Variants in NOL4L observed in about 807,000 individuals in gnomAD.
NOL4L encodes the protein nucleolar protein 4 like, also known as nucleolar protein 4-like.
In NOL4L, 7 loss-of-function variants were observed where a neutral mutation model predicts 64.5. The observed-to-expected ratio is 0.11, with a 90% CI of 0.06 to 0.20. The LOEUF is 0.20. NOL4L is among the 10% of genes least tolerant of loss of function. The pLI is 1.00. For missense variants in NOL4L, 680 were observed against 967.1 expected (o/e 0.70, Z 3.94); for synonymous variants, 413 against 401.0 (o/e 1.03, Z -0.36).
At chr20:32,528,044 G>GTTGGT in intron 1 of NOL4L, 131 bp from the exon 2 acceptor site, 1 of 275,994 alleles carries the variant, frequency 3.6e-6, no homozygotes, top group Non-Finnish European at 6.9e-6. Flanking sequence ...GGAGGGGAGG[G>GTTGGT]AGCCTACCGA....
intron 2 of NOL4L, among the ~76,000 whole-genome samples, chr20:32,522,802 C>T (rs942433314): frequency 3.3e-5 from 5 of 152,210 alleles, no homozygotes; most frequent in Admixed American, 6.5e-5. Flanking sequence ...TCCCCTGAGA[C>T]GTGGCACCCT....
At chr20:32,542,052 G>T (rs936100558) in intron 1 of NOL4L, among the ~76,000 whole-genome samples, 1 of 152,228 alleles carries the variant, frequency 6.6e-6, no homozygotes, top group East Asian at 1.9e-4. Context: ...GTGGTGGGGG[G>T]CGCTAAGCCC....
chr20:32,527,736 G>A, intron 2 of NOL4L, 22 bp downstream of exon 2: 4 of 1,538,284 alleles, frequency 2.6e-6, no homozygotes, highest in Non-Finnish European at 3.5e-6. Flanking sequence ...TGCCAGTGGA[G>A]GCAAAGAGAC....
chr20:32,518,081 C>A (rs1358894993), intron 3 of NOL4L, among the ~76,000 whole-genome samples: 1 of 152,182 alleles, frequency 6.6e-6, no homozygotes, highest in African/African-American at 2.4e-5. Context: ...GCACACCAGA[C>A]CTGCCTGACT....
chr20:32,518,554 G>A (rs1030431099), intron 3 of NOL4L, among the ~76,000 whole-genome samples: 4 of 152,258 alleles, frequency 2.6e-5, no homozygotes, highest in Non-Finnish European at 5.9e-5. Flanking sequence ...ATGTGTGGCA[G>A]GAGAGGGGAG....
Position 32,584,617 on chromosome 20 carries a change from C to A in NOL4L, c.274G>T (p.Glu92Ter), listed in dbSNP as rs2145631568. 6.5e-7 allele frequency: 1 copy of A among 1,535,838 alleles called. No homozygotes were observed. The highest frequency in any genetic ancestry group is 1.2e-5 in the South Asian group (1 of 82,302). The part of the protein sequence containing the change: ...SKGFRLGSGR[E>*]PKMGQVVYVP... ...TACACCACTTGGCCCATCTTGGGTT[C>A]CCGGCCGCTGCCCAGGCGGAAGCCC... Residue 92 changes from glutamate to a stop codon, truncating the protein, a stop_gained, in exon 1 of 11, where the codon GAA becomes TAA. Coordinates refer to ENST00000621426, the MANE Select transcript of NOL4L (RefSeq NM_001256798.2). LOFTEE classifies it high-confidence loss of function.
chr20:32,498,750 T>C (rs1600763351), intron 4 of NOL4L, among the ~76,000 whole-genome samples: 1 of 111,456 alleles, frequency 9.0e-6, no homozygotes, highest in South Asian at 2.8e-4. Context: ...GCAACGGGAG[T>C]GAGACCCTGT....
intron 1 of NOL4L, among the ~76,000 whole-genome samples, chr20:32,562,058 C>T (rs1297040775): frequency 2.0e-5 from 3 of 152,106 alleles, no homozygotes; most frequent in Admixed American, 6.5e-5. Flanking sequence ...ACCACAGGCG[C>T]GCTTACTCCG....
intron 1 of NOL4L, among the ~76,000 whole-genome samples, chr20:32,537,413 A>G (rs1351491597): frequency 1.3e-5 from 2 of 152,166 alleles, no homozygotes; most frequent in African/African-American, 4.8e-5. Context: ...GTCGCGGTGC[A>G]CCTACTGTGT....
intron 4 of NOL4L, among the ~76,000 whole-genome samples, chr20:32,488,196 C>CAGT (rs1312364099): frequency 6.6e-6 from 1 of 152,172 alleles, no homozygotes; most frequent in African/African-American, 2.4e-5. Context: ...TTCCAAAGAC[C>CAGT]CACTATGTTT....
Position 32,464,180 on chromosome 20 carries a change from G to A in NOL4L, c.842-7785C>T, listed in dbSNP as rs1206422591. Among the ~76,000 whole-genome samples the A allele has an allele frequency of 4.6e-5, 7 of 152,304 alleles. No homozygotes were observed. Among genetic ancestry groups the A allele is most frequent in the Middle Eastern group, 3.4e-3 (1 of 294 alleles). On this transcript the variant is annotated intron_variant, in intron 5 of 10. Transcript: ENST00000621426. The surrounding 1 kb of genome is among the most constrained non-coding windows in gnomAD (Gnocchi z 5.6). ...GCTGACCCTGCTCTGAATTTGAGGC[G>A]TGCACCTCCCCAGGACTGGCCCCCT...
At position 32,527,860 on chromosome 20, in the gene NOL4L, C is replaced by T. The variant is rs1284039411; in HGVS notation, c.375G>A (p.Val125=). 6.4e-7 allele frequency: 1 copy of T among 1,550,614 alleles called. No homozygotes were observed. Among genetic ancestry groups the T allele is most frequent in the Non-Finnish European group, 8.7e-7 (1 of 1,146,978 alleles). The change falls in exon 2 of 11, where the codon GTG becomes GTA. Residue 125 remains valine, a synonymous_variant. Coordinates refer to ENST00000621426, the MANE Select transcript of NOL4L (RefSeq NM_001256798.2). The part of the protein sequence containing the change: ...PEGISLKRVA[V]VEDFFDIIYS... The stretch of plus-strand genomic sequence containing the variant: ...AGATGATGTCAAAGAAATCTTCCAC[C>T]ACAGCGACCCGCTTCAGAGAGATGC...
At chr20:32,462,921 A>AAAAAAAAAAAAAAAAAAC (rs2014221003) in intron 5 of NOL4L, among the ~76,000 whole-genome samples, 2 of 149,006 alleles carry the variant, frequency 1.3e-5, no homozygotes, top group South Asian at 2.1e-4. Flanking sequence ...AAAAAAAAAA[A>AAAAAAAAAAAAAAAAAAC]AACTGATTTA....
chr20:32,579,568 G>A (rs1248343091), intron 1 of NOL4L, among the ~76,000 whole-genome samples: 9 of 151,826 alleles, frequency 5.9e-5, no homozygotes, highest in Admixed American at 5.9e-4. Context: ...GGACGACAAA[G>A]CAGCCTGCAG....
At chr20:32,458,487 A>G (rs931893888) in intron 5 of NOL4L, among the ~76,000 whole-genome samples, 2 of 152,108 alleles carry the variant, frequency 1.3e-5, no homozygotes, top group Non-Finnish European at 2.9e-5. Context: ...CATCTGCCCC[A>G]CCAGGACAGA....
In NOL4L at chr20:32,446,850, G is replaced by T. The variant is rs766515340; in HGVS notation, c.*746C>A. On this transcript the variant is annotated 3_prime_UTR_variant, in exon 11 of 11. Transcript: ENST00000621426. ...GGGGCTTCTGTAGAATGGGGTCGGG[G>T]TGCCTCTTTTGTTTTGCTTTGCCAT... The T allele has an allele frequency of 2.7e-5, 6 of 224,004 alleles. No homozygotes were observed. In the Admixed American group the frequency reaches 3.2e-4, roughly 12 times the overall value. 13.9% of individuals were successfully genotyped at this position (224,004 alleles called of 1,614,324 possible).
chr20:32,459,852 A>T (rs977237317), intron 5 of NOL4L, among the ~76,000 whole-genome samples: 1 of 152,224 alleles, frequency 6.6e-6, no homozygotes, highest in Non-Finnish European at 1.5e-5. Context: ...ATATTTTTAA[A>T]AACTTCGACA....
At chr20:32,491,914 G>A (rs1049216062) in intron 4 of NOL4L, among the ~76,000 whole-genome samples, 1 of 152,094 alleles carries the variant, frequency 6.6e-6, no homozygotes, top group African/African-American at 2.4e-5. Context: ...TCTGGAGTTC[G>A]AGATAAGCCT....
intron 1 of NOL4L, chr20:32,573,584 G>C (rs911849514): frequency 5.6e-6 from 1 of 177,686 alleles, no homozygotes; most frequent in African/African-American, 2.4e-5. Flanking sequence ...CAATAGCATA[G>C]AAGGAGGATA....
Sources: allele counts gnomAD v4.1 joint callset (sites outside exome capture counted in the v4.1 genomes callset), GRCh38; gene constraint gnomAD v4.1.1; non-coding constraint Gnocchi (gnomAD v3.1); transcripts MANE v1.5; gene names NCBI Gene and HGNC (gene_info 2026-07-23, HGNC 2026-07-21).